Variants in XPR1 observed in about 807,000 individuals in gnomAD.
XPR1 encodes the protein solute carrier family 53 member 1.
Under a neutral mutation model 87.5 loss-of-function variants are expected in XPR1, and 28 were observed. The ratio of observed to expected loss-of-function variants is 0.32; its 90% CI spans 0.24 to 0.44. The LOEUF (loss-of-function observed/expected upper bound fraction) is 0.44, where lower values mean the gene tolerates loss of function less well. Among genes scored for constraint, XPR1 ranks in the 20% least tolerant of loss-of-function variants. The probability of loss-of-function intolerance (pLI) is 1.00; values close to 1 mark genes in which losing one functional copy is unlikely to be tolerated. For synonymous variants in XPR1, 300 were observed against 306.1 expected, an observed-to-expected ratio of 0.98 and a Z score of 0.21; for missense variants, 559 against 862.3, an observed-to-expected ratio of 0.65 and a Z score of 4.41.
chr1:180,653,565 A>C (rs1346509556), intron 1 of XPR1, among the ~76,000 whole-genome samples: 1 of 152,146 alleles, frequency 6.6e-6, no homozygotes, highest in East Asian at 1.9e-4. Flanking sequence ...CAGGACCCCC[A>C]GTGGATGCCT....
chr1:180,714,349 T>TTTC (rs1393530457), intron 2 of XPR1, among the ~76,000 whole-genome samples: 54 of 72,148 alleles, frequency 7.5e-4, no homozygotes, highest in African/African-American at 2.8e-3. Flanking sequence ...TTTTTCCCTG[T>TTTC]TCTCTCTCTC....
intron 12 of XPR1, among the ~76,000 whole-genome samples, chr1:180,873,138 A>G (rs1053149485): frequency 2.6e-5 from 4 of 152,218 alleles, no homozygotes; most frequent in African/African-American, 4.8e-5. Flanking sequence ...GAGCAAATCT[A>G]TGAATTATAT....
At position 180,637,478 on chromosome 1, in the gene XPR1, A is replaced by G. The variant is rs6689692; in HGVS notation, c.69+5208A>G. Among the ~76,000 whole-genome samples, 587 of 152,318 alleles carry G rather than the reference A, an allele frequency of 3.9e-3. 3 individuals carry two copies. The highest frequency in any genetic ancestry group is 0.013 in the African/African-American group (556 of 41,560). On this transcript the variant is annotated intron_variant, in intron 1 of 14. Transcript: ENST00000367590. The stretch of plus-strand genomic sequence containing the variant: ...TCTAGTACTAGCTTTTTGGCAGCCA[A>G]ATTACAGATAAAAACAATAACACTT...
Position 180,632,240 on chromosome 1 carries a change from C to G in XPR1, c.39C>G (p.Pro13=), listed in dbSNP as rs777229584. The G allele has an allele frequency of 1.4e-5, 22 of 1,612,066 alleles. No homozygotes were observed. The highest frequency in any genetic ancestry group is 1.9e-5 in the Non-Finnish European group (22 of 1,179,010). The change falls in exon 1 of 15, where the codon CCC becomes CCG. Residue 13 remains proline, a synonymous_variant. Coordinates refer to ENST00000367590, the MANE Select transcript of XPR1 (RefSeq NM_004736.4). The stretch of plus-strand genomic sequence containing the variant: ...AGCACCTCTCCGCGCACATCACTCC[C>G]GAGTGGAGGAAGCAATACATCCAGT... ...FAEHLSAHIT[P]EWRKQYIQYE...
In XPR1 at chr1:180,888,909, A is replaced by G. The variant is rs1653100567; in HGVS notation, c.*4843A>G. On this transcript the variant is annotated 3_prime_UTR_variant, in exon 15 of 15. Coordinates refer to ENST00000367590, the MANE Select transcript of XPR1 (RefSeq NM_004736.4). ...AACCAGCATACTCTCCAAATATGAA[A>G]AAGTAAAAACATCTCATTAGGTTTG... 1 of 152,206 alleles carries G rather than the reference A, an allele frequency of 6.6e-6. No individual in the cohort carries two copies. Among genetic ancestry groups the G allele is most frequent in the Non-Finnish European group, 1.5e-5 (1 of 68,040 alleles). 9.4% of individuals were successfully genotyped at this position (152,206 alleles called of 1,614,324 possible).
chr1:180,858,424 T>C (rs1406963048), intron 11 of XPR1, among the ~76,000 whole-genome samples: 1 of 152,206 alleles, frequency 6.6e-6, no homozygotes, highest in African/African-American at 2.4e-5. Context: ...ACTTTTAAAT[T>C]CTATTTTCCC....
intron 2 of XPR1, among the ~76,000 whole-genome samples, chr1:180,773,689 G>C (rs1275634933): frequency 6.6e-6 from 1 of 151,666 alleles, no homozygotes; most frequent in East Asian, 1.9e-4. Flanking sequence ...AAATACTCAG[G>C]ATTACTTTCT....
At chr1:180,854,518 GCAT>G (rs1389752211) in intron 11 of XPR1, among the ~76,000 whole-genome samples, 3 of 152,184 alleles carry the variant, frequency 2.0e-5, no homozygotes, top group Non-Finnish European at 4.4e-5. Flanking sequence ...GAGCACAGAG[GCAT>G]CTTGTGCTCA....
At position 180,806,225 on chromosome 1, in the gene XPR1, G is replaced by A. The variant is rs374011726; in HGVS notation, c.597+14G>A. On this transcript the variant is annotated intron_variant, in intron 5 of 14. Transcript: ENST00000367590. Reference sequence around the variant, plus strand: ...TCTGAAACTGAGGTACAATAATCTCGTTTATTTACAACGTATTTTCAGTTA... The same window carrying A: ...TCTGAAACTGAGGTACAATAATCTCATTTATTTACAACGTATTTTCAGTTA... The A allele has an allele frequency of 1.4e-5, 22 of 1,606,434 alleles. No homozygotes were observed. The highest frequency in any genetic ancestry group is 6.7e-5 in the East Asian group (3 of 44,706).
Position 180,803,372 on chromosome 1 carries a change from G to A in XPR1, c.224-16G>A, listed in dbSNP as rs772587256. 33 of 1,610,208 alleles carry A rather than the reference G, an allele frequency of 2.0e-5. No individual in the cohort carries two copies. Among genetic ancestry groups the A allele is most frequent in the South Asian group, 1.4e-4 (13 of 90,690 alleles). On this transcript the variant is annotated splice_polypyrimidine_tract_variant and intron_variant, in intron 3 of 14. Transcript: ENST00000367590. ...TTTATCTTACTGATTTGACAGTTCC[G>A]TTCTATTTCTTATAGAGAAGCTCGC...
rs1351985337 is a variant in XPR1 at position 180,635,394 on chromosome 1, C to T, written c.69+3124C>T. ...TCTGCAATTGATTAATCAAAATTAA[C>T]TGAGACTGGTTTCAACCAAATAGAC... On this transcript the variant is annotated intron_variant, in intron 1 of 14. Coordinates refer to ENST00000367590, the MANE Select transcript of XPR1 (RefSeq NM_004736.4). Among the ~76,000 whole-genome samples the T allele has an allele frequency of 3.3e-5, 5 of 152,256 alleles. No homozygotes were observed. In the East Asian group the frequency reaches 9.6e-4, roughly 29 times the overall value.
intron 11 of XPR1, among the ~76,000 whole-genome samples, chr1:180,862,328 C>A (rs1327736474): frequency 6.6e-6 from 1 of 152,114 alleles, no homozygotes; most frequent in Admixed American, 6.6e-5. Context: ...CCATTTCTCT[C>A]ACATCTTCTA....
At chr1:180,874,974 G>A (rs1474735261) in intron 13 of XPR1, among the ~76,000 whole-genome samples, 1 of 152,150 alleles carries the variant, frequency 6.6e-6, no homozygotes, top group African/African-American at 2.4e-5. Flanking sequence ...TAAATAACGG[G>A]TCAGTTAATT....
At chr1:180,792,675 G>T (rs757263710) in intron 3 of XPR1, among the ~76,000 whole-genome samples, 1 of 152,076 alleles carries the variant, frequency 6.6e-6, no homozygotes, top group East Asian at 1.9e-4. Context: ...GGTCCTTTGT[G>T]GTAAAAACAT....
intron 2 of XPR1, among the ~76,000 whole-genome samples, chr1:180,718,233 A>G (rs760464433): frequency 1.3e-5 from 2 of 152,212 alleles, no homozygotes; most frequent in Non-Finnish European, 2.9e-5. Flanking sequence ...TGAGCCATCA[A>G]TACATGGGAA....
chr1:180,872,592 G>A (rs1252825330), intron 12 of XPR1, among the ~76,000 whole-genome samples: 4 of 110,960 alleles, frequency 3.6e-5, no homozygotes, highest in African/African-American at 1.4e-4. Flanking sequence ...AGGTGCGTCC[G>A]TCACCCCTTT....
intron 1 of XPR1, among the ~76,000 whole-genome samples, chr1:180,635,909 T>C (rs1654743510): frequency 6.6e-6 from 1 of 152,224 alleles, no homozygotes; most frequent in Admixed American, 6.5e-5. Context: ...ATGTTTGGTA[T>C]ATGAAGAGGA....
rs1393263243 is a variant in XPR1, at chr1:180,696,163, T to TGG, written c.121+13754_121+13755dup. The stretch of plus-strand genomic sequence containing the variant: ...TTGCCTCCTTCGTTAAATTTATTCC[T>TGG]GGGTGTGTGTGTGTGTGTGTGTGTG... On this transcript the variant is annotated intron_variant, in intron 2 of 14. Coordinates refer to ENST00000367590, the MANE Select transcript of XPR1 (RefSeq NM_004736.4). Among the ~76,000 whole-genome samples the TGG allele has an allele frequency of 4.8e-3, 589 of 123,568 alleles. 3 individuals carry two copies. Among genetic ancestry groups the TGG allele is most frequent in the African/African-American group, 0.016 (508 of 32,172 alleles). 81.1% of individuals were successfully genotyped at this position (123,568 alleles called of 152,430 possible).
intron 14 of XPR1, among the ~76,000 whole-genome samples, chr1:180,882,546 G>A (rs906722165): frequency 2.6e-5 from 4 of 152,150 alleles, no homozygotes; most frequent in African/African-American, 9.6e-5. Flanking sequence ...TATAGAGACA[G>A]GGTCTTACTA....
Sources: gnomAD v4.1 joint callset for allele counts (sites outside exome capture counted in the v4.1 genomes callset) on GRCh38, gnomAD v4.1.1 for gene constraint, MANE v1.5 for transcripts, NCBI Gene and HGNC (gene_info 2026-07-23, HGNC 2026-07-21) for gene names.